The following CLPB variants were observed in gnomAD, a reference collection of about 807,000 sequenced individuals.
The protein encoded by CLPB is ClpB family mitochondrial disaggregase.
Under a neutral mutation model 78.4 loss-of-function variants are expected in CLPB, and 40 were observed. The ratio of observed to expected loss-of-function variants is 0.51; its 90% CI spans 0.40 to 0.66. The LOEUF is 0.66. Ranked by LOEUF, CLPB falls within the 30% of genes least tolerant of loss-of-function variation. The pLI, the probability that CLPB is intolerant of heterozygous loss-of-function variation, is 0.00. For synonymous variants in CLPB, 333 were observed against 348.0 expected (o/e 0.96, Z 0.48); for missense variants, 780 against 886.9 (o/e 0.88, Z 1.53).
rs1229820338 is a variant in CLPB at position 72,336,997 on chromosome 11, A to ACT, written c.776-7195_776-7194dup. 18 of 398,624 alleles carry ACT rather than the reference A, an allele frequency of 4.5e-5. No homozygotes were observed. The East Asian group carries it at 6.4e-4, about 14-fold the overall frequency. The allele number at this position is 398,624 out of a possible 1,614,324, so 24.7% of individuals were successfully genotyped here. A position where few individuals can be genotyped will look rare whatever the true frequency, so the allele number is the denominator to read the frequency against. On this transcript the variant is annotated intron_variant, in intron 5 of 15. Coordinates refer to ENST00000538039, the MANE Select transcript of CLPB (RefSeq NM_001258392.3). ...CTTCTGGGCTCCTAGTGTCCTCCCT[A>ACT]CTTACTCCTTTTCCTGGCCCTCAGC...
At chr11:72,392,093 G>A (rs1019735629) in intron 3 of CLPB, among the ~76,000 whole-genome samples, 6 of 152,010 alleles carry the variant, frequency 3.9e-5, no homozygotes, top group Non-Finnish European at 7.4e-5. Context: ...GACGGCTGGC[G>A]AGCAGCTGGA....
chr11:72,404,939 G>A (rs913874401), intron 2 of CLPB, among the ~76,000 whole-genome samples: 41 of 152,220 alleles, frequency 2.7e-4, no homozygotes, highest in African/African-American at 3.9e-4. Flanking sequence ...TGTTAAAGAC[G>A]CTAAGAACCC....
intron 14 of CLPB, 24 bp downstream of exon 14, chr11:72,294,301 C>A: frequency 1.2e-6 from 2 of 1,614,232 alleles, no homozygotes; most frequent in Non-Finnish European, 8.5e-7. Flanking sequence ...ATCCCGCCCC[C>A]ACCCATGGGC....
intron 3 of CLPB, among the ~76,000 whole-genome samples, chr11:72,398,825 G>A (rs921489803): frequency 1.3e-5 from 2 of 152,096 alleles, no homozygotes; most frequent in African/African-American, 4.8e-5. Context: ...CTGTTACTAG[G>A]GCTGGCAAAA....
chr11:72,346,390 T>C (rs918261837), intron 5 of CLPB, among the ~76,000 whole-genome samples: 3 of 152,164 alleles, frequency 2.0e-5, no homozygotes, highest in Admixed American at 2.0e-4. Flanking sequence ...TATATACCTA[T>C]ATAAATAGTT....
chr11:72,402,936 A>G (rs1855605023), intron 3 of CLPB, 30 bp downstream of exon 3: 2 of 1,595,182 alleles, frequency 1.3e-6, no homozygotes, highest in African/African-American at 2.7e-5. Context: ...ATCTGCCTAA[A>G]GGAGCCCTGT....
intron 3 of CLPB, among the ~76,000 whole-genome samples, chr11:72,391,881 G>A (rs987803354): frequency 6.6e-5 from 10 of 152,190 alleles, no homozygotes; most frequent in East Asian, 1.9e-4. Context: ...ATGTAGGAAG[G>A]TTGGCTCACA....
chr11:72,360,403 C>T (rs1950813606), intron 4 of CLPB, among the ~76,000 whole-genome samples: 1 of 152,128 alleles, frequency 6.6e-6, no homozygotes, highest in South Asian at 2.1e-4. Flanking sequence ...ATATAAAGTT[C>T]CAAAAGCCAG....
rs769660596 is a variant in CLPB at position 72,358,943 on chromosome 11, T to C, written c.712A>G (p.Thr238Ala). The C allele has an allele frequency of 6.2e-7, 1 of 1,613,038 alleles. No individual in the cohort carries two copies. The highest frequency in any genetic ancestry group is 8.5e-7 in the Non-Finnish European group (1 of 1,179,826). The change falls in exon 5 of 16, where the codon ACG (threonine) becomes GCG (alanine). Residue 238 changes from threonine (T) to alanine (A), a missense_variant. Transcript: ENST00000538039. ...LNNRASFKGC[T>A]ALHYAVLADD... ...GCAAGAACAGCATAGTGCAAGGCCG[T>C]GCAGCCCTTGAAACTGGCGCGGTTG... is the stretch of plus-strand genomic sequence containing the variant.
At chr11:72,431,486 G>A (rs1296798070) in intron 1 of CLPB, among the ~76,000 whole-genome samples, 1 of 152,160 alleles carries the variant, frequency 6.6e-6, no homozygotes, top group Admixed American at 6.5e-5. Context: ...AACCTCCTGA[G>A]CCTTAGTTTC....
intron 7 of CLPB, among the ~76,000 whole-genome samples, chr11:72,316,095 C>T (rs913370775): frequency 1.3e-5 from 2 of 152,188 alleles, no homozygotes; most frequent in African/African-American, 2.4e-5. Context: ...AACTTCCTTA[C>T]AAATGGAGGT....
In CLPB at chr11:72,291,454, G is replaced by A. The variant is rs1423670465; in HGVS notation, c.*1913C>T. 1 of 151,970 alleles carries A rather than the reference G, an allele frequency of 6.6e-6. No individual in the cohort carries two copies. Among genetic ancestry groups the A allele is most frequent in the Non-Finnish European group, 1.5e-5 (1 of 68,026 alleles). The allele number at this position is 151,970 out of a possible 1,614,324, so 9.4% of individuals were successfully genotyped here. ...TCCCAAGTAGCTGGGATTACAGGTG[G>A]GCACCAGCGGGCCTGGCTAATTTTT... is the stretch of plus-strand genomic sequence containing the variant. On this transcript the variant is annotated 3_prime_UTR_variant, in exon 16 of 16. Transcript: ENST00000538039.
intron 2 of CLPB, among the ~76,000 whole-genome samples, chr11:72,406,711 C>G (rs1228799742): frequency 6.6e-6 from 1 of 152,218 alleles, no homozygotes; most frequent in East Asian, 1.9e-4. Flanking sequence ...AAAGCTGGCT[C>G]TAGGCACTTT....
intron 5 of CLPB, chr11:72,352,687 T>A (rs1950635560): frequency 6.6e-6 from 1 of 152,234 alleles, no homozygotes; most frequent in African/African-American, 2.4e-5. Context: ...AATTCTTGGT[T>A]AAAATGTCTG....
Position 72,358,896 on chromosome 11 carries a change from C to T in CLPB, c.759G>A (p.Lys253=). ...TGCTCTCACCTCCATCAAGCAGCTCCTTGACAGTGCGGTAGTCATCAGCAA... is the reference window on the plus strand; with the variant it reads ...TGCTCTCACCTCCATCAAGCAGCTCTTTGACAGTGCGGTAGTCATCAGCAA... The part of the protein sequence containing the change: ...AVLADDYRTV[K]ELLDGGANPL... Residue 253 remains lysine, a synonymous_variant, in exon 5 of 16, where the codon AAG becomes AAA. Coordinates refer to ENST00000538039, the MANE Select transcript of CLPB (RefSeq NM_001258392.3). The T allele has an allele frequency of 1.2e-6, 2 of 1,607,490 alleles. No homozygotes were observed. The highest frequency in any genetic ancestry group is 1.7e-5 in the Admixed American group (1 of 59,392).
intron 4 of CLPB, 71 bp from the exon 5 acceptor site, chr11:72,359,079 A>C (rs1950783540): frequency 1.2e-6 from 2 of 1,606,598 alleles, no homozygotes; most frequent in Non-Finnish European, 1.7e-6. Flanking sequence ...CCTGTTTTCT[A>C]GTGGCATTTT....
intron 3 of CLPB, among the ~76,000 whole-genome samples, chr11:72,401,751 T>C (rs1260503367): frequency 6.6e-6 from 1 of 152,260 alleles, no homozygotes; most frequent in African/African-American, 2.4e-5. Flanking sequence ...CAATGGCTGT[T>C]ACTAAAGTGC....
In CLPB at chr11:72,285,495, T is replaced by G. The variant is rs1949376624; in HGVS notation, c.*7872A>C. 1 of 152,164 alleles carries G rather than the reference T, an allele frequency of 6.6e-6. No individual in the cohort carries two copies. The highest frequency in any genetic ancestry group is 6.5e-5 in the Admixed American group (1 of 15,276). The allele number at this position is 152,164 out of a possible 1,614,324, so 9.4% of individuals were successfully genotyped here. A position where few individuals can be genotyped will look rare whatever the true frequency, so the allele number is the denominator to read the frequency against. Reference sequence around the variant, plus strand: ...TTAATTAAAAGTGCTGTCAATTAGATTTGTATTAAATTATTTATTAGGTTT... The same window carrying G: ...TTAATTAAAAGTGCTGTCAATTAGAGTTGTATTAAATTATTTATTAGGTTT... On this transcript the variant is annotated 3_prime_UTR_variant, in exon 16 of 16. Transcript: ENST00000538039.
At position 72,344,543 on chromosome 11, in the gene CLPB, C is replaced by T. The variant is rs1950478200; in HGVS notation, c.775+14337G>A. On this transcript the variant is annotated intron_variant, in intron 5 of 15. Coordinates refer to ENST00000538039, the MANE Select transcript of CLPB (RefSeq NM_001258392.3). ...TTTCTACCTTGATTTCCATGATATG[C>T]AATATCCATGACTTTCTCTCCTTTG... 2.0e-5 allele frequency among the ~76,000 whole-genome samples: 3 copies of T among 152,204 alleles called. No homozygotes were observed. In the South Asian group the frequency reaches 6.2e-4, roughly 32 times the overall value.
Sources: allele counts gnomAD v4.1 joint callset (sites outside exome capture counted in the v4.1 genomes callset), GRCh38; gene constraint gnomAD v4.1.1; transcripts MANE v1.5; gene names NCBI Gene and HGNC (gene_info 2026-07-23, HGNC 2026-07-21).